The following PPT2 variants were observed in gnomAD, a reference collection of about 807,000 sequenced individuals.
PPT2 encodes the protein palmitoyl-protein thioesterase 2, also known as lysosomal thioesterase PPT2.
In PPT2, 20 loss-of-function variants were observed where a neutral mutation model predicts 37.3. That is an observed-to-expected ratio of 0.54 (90% CI 0.38 to 0.78). PPT2 has a LOEUF of 0.78. PPT2 is among the 30% of genes least tolerant of loss of function. PPT2 has a pLI of 0.00. For synonymous variants in PPT2, 135 were observed against 159.1 expected, an observed-to-expected ratio of 0.85 and a Z score of 1.14; for missense variants, 270 against 389.8, an observed-to-expected ratio of 0.69 and a Z score of 2.59.
upstream of PPT2, chr6:32,153,805 C>A: frequency 1.9e-6 from 2 of 1,063,708 alleles, no homozygotes; most frequent in Non-Finnish European, 1.3e-6. This position sits in a 1 kb window ranked among gnomAD's most constrained non-coding sequence, Gnocchi z 4.4. Flanking sequence ...TTGGGGAATG[C>A]AAACTTCGTG....
In PPT2 at chr6:32,155,229, T is replaced by C. The variant is rs1294013379; in HGVS notation, c.337+46T>C. ...TAACTCCTAAGCCCTATCTGAGGCT[T>C]GATCCTTATCTGAGGGACACTTCCT... On this transcript the variant is annotated intron_variant, in intron 3 of 8. Transcript: ENST00000324816. This position sits in a 1 kb window ranked among gnomAD's most constrained non-coding sequence, Gnocchi z 4.3. 2 of 1,604,296 alleles carry C rather than the reference T, an allele frequency of 1.2e-6. No individual in the cohort carries two copies. Among genetic ancestry groups the C allele is most frequent in the Non-Finnish European group, 1.7e-6 (2 of 1,172,852 alleles).
At chr6:32,158,701 T>C (rs1783950713) in intron 7 of PPT2, among the ~76,000 whole-genome samples, 1 of 152,132 alleles carries the variant, frequency 6.6e-6, no homozygotes, top group Non-Finnish European at 1.5e-5. Flanking sequence ...CGGGGCCTAG[T>C]TTCAATAGTG....
chr6:32,162,215 C>CT lies in PPT2; in HGVS notation c.711-348dup, dbSNP rs1017629564. Reference sequence around the variant, plus strand: ...CTTTTTTCCTTTTCTTTTTTCTTTCCTTTTTCCTTTCCTTTCCTTTTTGAG... The same window carrying CT: ...CTTTTTTCCTTTTCTTTTTTCTTTCCTTTTTTCCTTTCCTTTCCTTTTTGAG... On this transcript the variant is annotated intron_variant, in intron 7 of 8. Coordinates refer to ENST00000324816, the MANE Select transcript of PPT2 (RefSeq NM_005155.7). This position sits in a 1 kb window ranked among gnomAD's most constrained non-coding sequence, Gnocchi z 5.5. Among the ~76,000 whole-genome samples, 64 of 152,006 alleles carry CT rather than the reference C, an allele frequency of 4.2e-4. No homozygotes were observed. The highest frequency in any genetic ancestry group is 1.5e-3 in the African/African-American group (61 of 41,468).
rs550340641 is a variant in PPT2 at position 32,162,047 on chromosome 6, G to A, written c.711-521G>A. ...ATGCATTTTTGATGGGGTTTCTACA[G>A]AAGTGAGGTCGTATCTTCAGTGTAT... On this transcript the variant is annotated intron_variant, in intron 7 of 8. Transcript: ENST00000324816. The surrounding 1 kb of genome is among the most constrained non-coding windows in gnomAD (Gnocchi z 5.5). 3.3e-5 allele frequency among the ~76,000 whole-genome samples: 5 copies of A among 151,996 alleles called. No homozygotes were observed. Among genetic ancestry groups the A allele is most frequent in the African/African-American group, 1.2e-4 (5 of 41,382 alleles).
chr6:32,153,974 A>G, upstream of PPT2: 1 of 1,310,900 alleles, frequency 7.6e-7, no homozygotes, highest in Non-Finnish European at 9.7e-7. The surrounding 1 kb of genome is among the most constrained non-coding windows in gnomAD (Gnocchi z 4.4). Context: ...GCCTAAATGG[A>G]TCGCTCCGCC....
intron 7 of PPT2, among the ~76,000 whole-genome samples, chr6:32,160,649 G>A (rs1784094975): frequency 6.6e-6 from 1 of 151,572 alleles, no homozygotes; most frequent in Non-Finnish European, 1.5e-5. Context: ...CTGGGTGACA[G>A]AGCAAGGCTC....
Position 32,162,705 on chromosome 6 carries a change from G to T in PPT2, c.765+83G>T. The T allele has an allele frequency of 2.5e-6, 4 of 1,576,564 alleles. No individual in the cohort carries two copies. Among genetic ancestry groups the T allele is most frequent in the African/African-American group, 1.4e-5 (1 of 74,070 alleles). Reference sequence around the variant, plus strand: ...CTCTCTGTGACTCCTGAGCTGAAGGGTTCACCCTGTGGGGAGGAGGTCCAG... The same window carrying T: ...CTCTCTGTGACTCCTGAGCTGAAGGTTTCACCCTGTGGGGAGGAGGTCCAG... On this transcript the variant is annotated intron_variant, in intron 8 of 8. Coordinates refer to ENST00000324816, the MANE Select transcript of PPT2 (RefSeq NM_005155.7). The surrounding 1 kb of genome is among the most constrained non-coding windows in gnomAD (Gnocchi z 5.5).
Position 32,155,584 on chromosome 6 carries a change from CTGTGTGTGTGTGTGTGTGTG to C in PPT2, c.338-89_338-70del. 9.3e-5 allele frequency: 65 copies of C among 696,680 alleles called. 1 individual carries two copies. The highest frequency in any genetic ancestry group is 1.4e-4 in the Non-Finnish European group (58 of 408,276). 43.2% of individuals were successfully genotyped at this position (696,680 alleles called of 1,614,324 possible). ...GTACAGTGTGTGTCTGTGTGTGTCT[CTGTGTGTGTGTGTGTGTGTG>C]TGTGTGTGTGTGTGGTGGGGGTGGG... is the stretch of plus-strand genomic sequence containing the variant. On this transcript the variant is annotated intron_variant, in intron 3 of 8. Coordinates refer to ENST00000324816, the MANE Select transcript of PPT2 (RefSeq NM_005155.7). This position sits in a 1 kb window ranked among gnomAD's most constrained non-coding sequence, Gnocchi z 4.3.
At position 32,155,032 on chromosome 6, in the gene PPT2, A is replaced by T; in HGVS notation, c.186A>T (p.Thr62=). 6.2e-7 allele frequency: 1 copy of T among 1,612,302 alleles called. No homozygotes were observed. Among genetic ancestry groups the T allele is most frequent in the Non-Finnish European group, 8.5e-7 (1 of 1,179,572 alleles). ...GCTGCATTGCCCCCTTCCCACAGAC[A>T]CACCCCGGGACTGTGGTGACAGTGC... ...FRHLLEYINE[T]HPGTVVTVLD... is the part of the protein sequence containing the mutation. The change falls in exon 3 of 9, where the codon ACA becomes ACT. Residue 62 remains threonine, a splice_region_variant and synonymous_variant. Transcript: ENST00000324816. This position sits in a 1 kb window ranked among gnomAD's most constrained non-coding sequence, Gnocchi z 4.3.
Position 32,156,773 on chromosome 6 carries a change from T to C in PPT2, c.541+795T>C, listed in dbSNP as rs999364694. ...AACCATTCTGTTACTCAGTTTTCCT[T>C]ATCTGTAAAATATTATAGCATGTAC... On this transcript the variant is annotated intron_variant, in intron 5 of 8. Transcript: ENST00000324816. The surrounding 1 kb of genome is among the most constrained non-coding windows in gnomAD (Gnocchi z 4.9). 6.6e-6 allele frequency among the ~76,000 whole-genome samples: 1 copy of C among 152,196 alleles called. No homozygotes were observed. Among genetic ancestry groups the C allele is most frequent in the Non-Finnish European group, 1.5e-5 (1 of 68,034 alleles).
chr6:32,155,594 G>GTC lies in PPT2; in HGVS notation c.338-93_338-92insCT, dbSNP rs72299633. The GTC allele has an allele frequency of 3.9e-6, 3 of 776,220 alleles. No individual in the cohort carries two copies. The highest frequency in any genetic ancestry group is 6.6e-6 in the Non-Finnish European group (3 of 456,172). 48.1% of individuals were successfully genotyped at this position (776,220 alleles called of 1,614,324 possible). ...TGTCTGTGTGTGTCTCTGTGTGTGT[G>GTC]TGTGTGTGTGTGTGTGTGTGTGTGG... On this transcript the variant is annotated intron_variant, in intron 3 of 8. Transcript: ENST00000324816. This position sits in a 1 kb window ranked among gnomAD's most constrained non-coding sequence, Gnocchi z 4.3.
At chr6:32,159,451 A>AAAAAAAAAAAT (rs1290087556) in intron 7 of PPT2, among the ~76,000 whole-genome samples, 2 of 115,116 alleles carry the variant, frequency 1.7e-5, no homozygotes, top group African/African-American at 7.0e-5. Context: ...AAAAAAAAAA[A>AAAAAAAAAAAT]ATATATATAT....
rs1387281370 is a variant in PPT2 at position 32,154,212 on chromosome 6, C to T, written c.-201C>T. ...GGGTTCCAGACTTGGGATAAGTAAA[C>T]AGCGGGTGGAGCGAGGCCTACGGAC... On this transcript the variant is annotated 5_prime_UTR_variant, in exon 1 of 9. Coordinates refer to ENST00000324816, the MANE Select transcript of PPT2 (RefSeq NM_005155.7). This position sits in a 1 kb window ranked among gnomAD's most constrained non-coding sequence, Gnocchi z 7.3. 3 of 1,143,832 alleles carry T rather than the reference C, an allele frequency of 2.6e-6. No homozygotes were observed. Among genetic ancestry groups the T allele is most frequent in the Non-Finnish European group, 3.2e-6 (3 of 930,488 alleles). The allele number at this position is 1,143,832 out of a possible 1,614,324, so 70.9% of individuals were successfully genotyped here.
In PPT2 at chr6:32,154,624, C is replaced by A; in HGVS notation, c.30C>A (p.Pro10=). The A allele has an allele frequency of 6.2e-7, 1 of 1,611,996 alleles. No individual in the cohort carries two copies. The highest frequency in any genetic ancestry group is 8.5e-7 in the Non-Finnish European group (1 of 1,179,388). The change falls in exon 2 of 9, where the codon CCC becomes CCA. Residue 10 remains proline (P), a synonymous_variant. Transcript: ENST00000324816. This position sits in a 1 kb window ranked among gnomAD's most constrained non-coding sequence, Gnocchi z 7.3. MLGLCGQRL[P]AAWVLLLLPF... is the part of the protein sequence containing the mutation. ...TGGGGCTCTGCGGGCAGCGGCTCCCCGCGGCGTGGGTCCTGCTTCTGTTGC... is the reference window on the plus strand; with the variant it reads ...TGGGGCTCTGCGGGCAGCGGCTCCCAGCGGCGTGGGTCCTGCTTCTGTTGC...
chr6:32,155,096 TG>T lies in PPT2; in HGVS notation c.253del (p.Glu85AsnfsTer65), dbSNP rs1783669963. 6.2e-7 allele frequency: 1 copy of T among 1,612,956 alleles called. No homozygotes were observed. The highest frequency in any genetic ancestry group is 1.1e-5 in the South Asian group (1 of 91,086). Reference sequence around the variant, plus strand: ...TGGGAGAGAGAGCTTGCGACCCCTGTGGGAACAGGTGCAAGGGTTCCGAGAG... The same window carrying T: ...TGGGAGAGAGAGCTTGCGACCCCTGTGGAACAGGTGCAAGGGTTCCGAGAG... ...FDGRESLRPL[W>X]EQVQGFREAV... On this transcript the variant is annotated frameshift_variant, in exon 3 of 9. Transcript: ENST00000324816. LOFTEE classifies it high-confidence loss of function. This position sits in a 1 kb window ranked among gnomAD's most constrained non-coding sequence, Gnocchi z 4.3.
At position 32,154,799 on chromosome 6, in the gene PPT2, T is replaced by A. The variant is rs774142318; in HGVS notation, c.183+22T>A. 1.2e-6 allele frequency: 2 copies of A among 1,606,008 alleles called. No individual in the cohort carries two copies. The highest frequency in any genetic ancestry group is 4.5e-5 in the East Asian group (2 of 44,664). On this transcript the variant is annotated intron_variant, in intron 2 of 8. Coordinates refer to ENST00000324816, the MANE Select transcript of PPT2 (RefSeq NM_005155.7). The surrounding 1 kb of genome is among the most constrained non-coding windows in gnomAD (Gnocchi z 7.3). ...TGAGGTCTGGCAGGGGACACCTGGG[T>A]GCAGGGCGTTAGAGGCGTCTACTGT... is the stretch of plus-strand genomic sequence containing the variant.
At position 32,162,071 on chromosome 6, in the gene PPT2, A is replaced by G. The variant is rs1251335181; in HGVS notation, c.711-497A>G. Among the ~76,000 whole-genome samples the G allele has an allele frequency of 6.6e-6, 1 of 152,030 alleles. No homozygotes were observed. The highest frequency in any genetic ancestry group is 1.5e-5 in the Non-Finnish European group (1 of 68,016). ...AGAAGTGAGGTCGTATCTTCAGTGT[A>G]TCACCTCATGAAGTACATTATATCC... On this transcript the variant is annotated intron_variant, in intron 7 of 8. Transcript: ENST00000324816. This position sits in a 1 kb window ranked among gnomAD's most constrained non-coding sequence, Gnocchi z 5.5.
chr6:32,153,799 G>T, upstream of PPT2: 1 of 1,080,200 alleles, frequency 9.3e-7, no homozygotes. This position sits in a 1 kb window ranked among gnomAD's most constrained non-coding sequence, Gnocchi z 4.4. Context: ...CGCCCCTTGG[G>T]GAATGCAAAC....
chr6:32,158,004 G>A (rs1377560666), intron 7 of PPT2, 80 bp downstream of exon 7: 4 of 1,245,588 alleles, frequency 3.2e-6, no homozygotes, highest in Non-Finnish European at 4.5e-6. Context: ...TGCCTAAACT[G>A]GCCTGCTCCT....
Sources: gnomAD v4.1 joint callset for allele counts (sites outside exome capture counted in the v4.1 genomes callset) on GRCh38, gnomAD v4.1.1 for gene constraint, Gnocchi (gnomAD v3.1) non-coding constraint, MANE v1.5 for transcripts, NCBI Gene and HGNC (gene_info 2026-07-23, HGNC 2026-07-21) for gene names.